The following EMG1 variants were observed in gnomAD, a reference collection of about 807,000 sequenced individuals.
EMG1 encodes EMG1 N1-specific pseudouridine methyltransferase, also known as ribosomal RNA small subunit methyltransferase NEP1.
A neutral mutation model predicts 26.9 loss-of-function variants in EMG1; 24 were observed. The observed-to-expected ratio is 0.89, with a 90% CI of 0.65 to 1.26. The LOEUF (loss-of-function observed/expected upper bound fraction) is 1.26. EMG1 is among the 50% of genes most tolerant of loss of function. The pLI is 0.00. For synonymous variants in EMG1, 140 were observed against 112.6 expected, an observed-to-expected ratio of 1.24 and a Z score of -1.54; for missense variants, 299 against 307.6, an observed-to-expected ratio of 0.97 and a Z score of 0.21.
At chr12:6,992,544 T>G (rs977110218), downstream of EMG1, among the ~76,000 whole-genome samples, 4 of 152,214 alleles carry the variant, frequency 2.6e-5, no homozygotes, top group African/African-American at 9.7e-5. Context: ...ATCTTAGTAG[T>G]ATCATGAAAA....
At chr12:6,991,607 C>G (rs1946591049), downstream of EMG1, among the ~76,000 whole-genome samples, 1 of 152,172 alleles carries the variant, frequency 6.6e-6, no homozygotes, top group Admixed American at 6.5e-5. Context: ...CTAATTTTTA[C>G]TTGAAAGTGT....
At chr12:6,974,827 C>A in intron 3 of EMG1, 134 bp downstream of exon 3, 2 of 1,011,622 alleles carry the variant, frequency 2.0e-6, no homozygotes, top group Non-Finnish European at 1.5e-6. Context: ...AGGACAAGGA[C>A]TGTTATTATT....
At position 6,976,279 on chromosome 12, in the gene EMG1, C is replaced by CA. The variant is rs1704046351; in HGVS notation, c.*471dup. 1 of 154,014 alleles carries CA rather than the reference C, an allele frequency of 6.5e-6. No homozygotes were observed. The highest frequency in any genetic ancestry group is 2.4e-5 in the African/African-American group (1 of 41,438). 9.5% of individuals were successfully genotyped at this position (154,014 alleles called of 1,614,324 possible). A position where few individuals can be genotyped will look rare whatever the true frequency, so the allele number is the denominator to read the frequency against. Reference sequence around the variant, plus strand: ...GGCCTTGCACCCCTCTCCACCCCCCCATGGGGGGGGTGGTGGTAGCGGCAC... The same window carrying CA: ...GGCCTTGCACCCCTCTCCACCCCCCCAATGGGGGGGGTGGTGGTAGCGGCAC... On this transcript the variant is annotated 3_prime_UTR_variant, in exon 6 of 6. Coordinates refer to ENST00000599672, the MANE Select transcript of EMG1 (RefSeq NM_006331.8).
At chr12:6,973,103 G>T (rs1946352561) in intron 1 of EMG1, among the ~76,000 whole-genome samples, 1 of 151,400 alleles carries the variant, frequency 6.6e-6, no homozygotes, top group African/African-American at 2.4e-5. Flanking sequence ...GCCTCCTAAA[G>T]TGTTGGGATC....
intron 6 of EMG1, among the ~76,000 whole-genome samples, chr12:6,986,417 A>G (rs1489302069): frequency 2.0e-5 from 3 of 152,188 alleles, no homozygotes; most frequent in Non-Finnish European, 4.4e-5. Context: ...CAAATGACAT[A>G]CAAAATATAT....
In EMG1 at chr12:6,979,278, C is replaced by T. The variant is rs782193153; in HGVS notation, c.*3469C>T. 6.0e-5 allele frequency: 36 copies of T among 596,030 alleles called. No individual in the cohort carries two copies. Among genetic ancestry groups the T allele is most frequent in the Non-Finnish European group, 9.6e-5 (32 of 334,938 alleles). 36.9% of individuals were successfully genotyped at this position (596,030 alleles called of 1,614,324 possible). On this transcript the variant is annotated 3_prime_UTR_variant, in exon 6 of 6. Transcript: ENST00000599672. ...TGTGCACCTGGCACAGCCCTGTGCC[C>T]GCGAAGGTTGTTCAGTGCTGGCTGA...
rs1363840975 is a variant in EMG1 at position 6,979,513 on chromosome 12, G to C, written c.*3704G>C. 5 of 1,614,052 alleles carry C rather than the reference G, an allele frequency of 3.1e-6. No homozygotes were observed. Among genetic ancestry groups the C allele is most frequent in the Non-Finnish European group, 4.2e-6 (5 of 1,179,900 alleles). ...GGAGATAGTCTTCTGTGATGTGGGG[G>C]CTGAGCAGTGTGTAGCCCACTAGGT... On this transcript the variant is annotated 3_prime_UTR_variant, in exon 6 of 6. Transcript: ENST00000599672.
Position 6,977,693 on chromosome 12 carries a change from G to A in EMG1, c.*1884G>A. The stretch of plus-strand genomic sequence containing the variant: ...CAGAGGGCCAGGAATAGCAACGAGA[G>A]ACCCTGAGAGAGTTCTTTATTTCCA... On this transcript the variant is annotated 3_prime_UTR_variant, in exon 6 of 6. Transcript: ENST00000599672. This position sits in a 1 kb window ranked among gnomAD's most constrained non-coding sequence, Gnocchi z 4.5. 6.2e-7 allele frequency: 1 copy of A among 1,614,228 alleles called. No homozygotes were observed. The highest frequency in any genetic ancestry group is 8.5e-7 in the Non-Finnish European group (1 of 1,180,052).
At chr12:6,984,956 T>G (rs1212424411) in intron 6 of EMG1, among the ~76,000 whole-genome samples, 2 of 152,030 alleles carry the variant, frequency 1.3e-5, no homozygotes, top group African/African-American at 4.8e-5. Flanking sequence ...TTACTGTGAG[T>G]TTGCTTAACT....
intron 1 of EMG1, among the ~76,000 whole-genome samples, chr12:6,973,641 C>T (rs1946358857): frequency 6.6e-6 from 1 of 152,152 alleles, no homozygotes; most frequent in Non-Finnish European, 1.5e-5. Context: ...CTCCTGGGTT[C>T]ATGCCATTCT....
downstream of EMG1, among the ~76,000 whole-genome samples, chr12:6,990,457 C>T (rs1226095369): frequency 2.1e-5 from 3 of 139,626 alleles, no homozygotes; most frequent in East Asian, 4.5e-4. Context: ...TGCAGTGAGC[C>T]GAGATTGTGC....
chr12:6,972,066 CTTTT>C (rs11292192), intron 1 of EMG1, among the ~76,000 whole-genome samples: 3 of 124,698 alleles, frequency 2.4e-5, no homozygotes, highest in Non-Finnish European at 1.7e-5. Flanking sequence ...TCTAAATACA[CTTTT>C]TTTTTTTTTT....
At position 6,977,108 on chromosome 12, in the gene EMG1, G is replaced by GT. The variant is rs1282067282; in HGVS notation, c.*1303dup. The GT allele has an allele frequency of 2.2e-6, 3 of 1,353,906 alleles. No homozygotes were observed. Among genetic ancestry groups the GT allele is most frequent in the Admixed American group, 3.4e-5 (2 of 59,356 alleles). The allele number at this position is 1,353,906 out of a possible 1,614,324, so 83.9% of individuals were successfully genotyped here. On this transcript the variant is annotated 3_prime_UTR_variant, in exon 6 of 6. Coordinates refer to ENST00000599672, the MANE Select transcript of EMG1 (RefSeq NM_006331.8). The surrounding 1 kb of genome is among the most constrained non-coding windows in gnomAD (Gnocchi z 4.5). ...TGCTCTATTCTGTAACCTGGTGGTAGTTTTAGTTTAGCTGTATTAACTTAC... is the reference window on the plus strand; with the variant it reads ...TGCTCTATTCTGTAACCTGGTGGTAGTTTTTAGTTTAGCTGTATTAACTTAC...
chr12:6,981,471 A>AT, downstream of EMG1: 1 of 971,822 alleles, frequency 1.0e-6, no homozygotes, highest in East Asian at 2.4e-5. Context: ...TGAAAGGGAG[A>AT]TTGCACAGGC....
At chr12:6,981,138 AAC>A, downstream of EMG1, 1 of 1,613,506 alleles carries the variant, frequency 6.2e-7, no homozygotes, top group Non-Finnish European at 8.5e-7. Flanking sequence ...GCAGGGAAGG[AAC>A]ACCACGTATG....
chr12:6,988,010 T>C (rs148310884), intron 7 of EMG1, among the ~76,000 whole-genome samples: 218 of 152,222 alleles, frequency 1.4e-3, no homozygotes, highest in Non-Finnish European at 2.3e-3. Flanking sequence ...ACTCCTAATT[T>C]ACGGCAGGCC....
At chr12:6,981,269 A>G, downstream of EMG1, 1 of 1,104,174 alleles carries the variant, frequency 9.1e-7, no homozygotes, top group Non-Finnish European at 1.3e-6. Context: ...TGTGTGCCCC[A>G]CTGACTGGGG....
intron 5 of EMG1, 54 bp downstream of exon 5, chr12:6,975,432 A>G: frequency 2.6e-6 from 4 of 1,519,794 alleles, no homozygotes; most frequent in Non-Finnish European, 2.7e-6. Flanking sequence ...TTAGTATAGA[A>G]TTCCCAGAGC....
chr12:6,995,033 C>T (rs1435537112), intron 7 of EMG1, among the ~76,000 whole-genome samples: 1 of 152,004 alleles, frequency 6.6e-6, no homozygotes, highest in Non-Finnish European at 1.5e-5. Context: ...TACTTCCTTG[C>T]TGGACAGTTT....
Sources: gnomAD v4.1 joint callset for allele counts (sites outside exome capture counted in the v4.1 genomes callset) on GRCh38, gnomAD v4.1.1 for gene constraint, Gnocchi (gnomAD v3.1) non-coding constraint, MANE v1.5 for transcripts, NCBI Gene and HGNC (gene_info 2026-07-23, HGNC 2026-07-21) for gene names.